The following NRG3 variants were observed in gnomAD, a reference collection of about 807,000 sequenced individuals.
The protein encoded by NRG3 is pro-neuregulin-3, membrane-bound isoform.
A neutral mutation model predicts 66.9 loss-of-function variants in NRG3; 31 were observed. The ratio of observed to expected loss-of-function variants is 0.46; its 90% confidence interval spans 0.35 to 0.63. NRG3 has a LOEUF of 0.63. Ranked by LOEUF, NRG3 falls within the 20% of genes least tolerant of loss-of-function variation. The pLI, the probability that NRG3 is intolerant of heterozygous loss-of-function variation, is 0.00. For missense variants in NRG3, 910 were observed against 878.9 expected (o/e 1.04, Z -0.45); for synonymous variants, 393 against 359.4 (o/e 1.09, Z -1.06).
intron 2 of NRG3, among the ~76,000 whole-genome samples, chr10:82,582,257 C>T (rs1273280312): frequency 2.0e-5 from 3 of 151,984 alleles, no homozygotes; most frequent in African/African-American, 7.2e-5. Flanking sequence ...ATTCAAATTC[C>T]ATATCATCAG....
chr10:82,274,483 AAATG>A (rs1426025228), intron 1 of NRG3, among the ~76,000 whole-genome samples: 2 of 152,074 alleles, frequency 1.3e-5, no homozygotes, highest in African/African-American at 2.4e-5. Context: ...TTCTGAATAA[AAATG>A]AATGAAAATT....
chr10:82,918,466 C>A (rs1846099992), intron 4 of NRG3, among the ~76,000 whole-genome samples: 1 of 152,182 alleles, frequency 6.6e-6, no homozygotes, highest in Non-Finnish European at 1.5e-5. Flanking sequence ...CCATTGATGA[C>A]AAGTACCTGA....
intron 1 of NRG3, among the ~76,000 whole-genome samples, chr10:82,340,352 AT>A (rs2082623353): frequency 6.6e-6 from 1 of 152,072 alleles, no homozygotes; most frequent in Non-Finnish European, 1.5e-5. Context: ...CTCCTAGAAT[AT>A]TTTTTCTACT....
chr10:81,985,997 G>T (rs557184869), intron 1 of NRG3, among the ~76,000 whole-genome samples: 1 of 152,270 alleles, frequency 6.6e-6, no homozygotes, highest in South Asian at 2.1e-4. Flanking sequence ...CACTGAAGAT[G>T]CCCACTGGGT....
At chr10:82,555,264 C>A (rs1419227273) in intron 2 of NRG3, among the ~76,000 whole-genome samples, 1 of 152,058 alleles carries the variant, frequency 6.6e-6, no homozygotes, top group East Asian at 1.9e-4. Context: ...TATTTTAGTT[C>A]CAGGGTGGCA....
chr10:82,365,345 T>A (rs1156966195), intron 2 of NRG3, among the ~76,000 whole-genome samples: 1 of 152,166 alleles, frequency 6.6e-6, no homozygotes, highest in Non-Finnish European at 1.5e-5. Flanking sequence ...GTGGTGTTAA[T>A]AACAAGGTGA....
intron 2 of NRG3, among the ~76,000 whole-genome samples, chr10:82,451,773 A>T (rs902868171): frequency 2.0e-5 from 3 of 152,138 alleles, no homozygotes; most frequent in Admixed American, 2.0e-4. Context: ...CTTCAGCAAT[A>T]TATGCATCAA....
chr10:82,173,701 A>G (rs2072813081), intron 1 of NRG3, among the ~76,000 whole-genome samples: 2 of 151,640 alleles, frequency 1.3e-5, no homozygotes, highest in African/African-American at 4.8e-5. Flanking sequence ...ACACACACAC[A>G]CACGCATGAA....
At chr10:82,015,799 G>A (rs1275977325) in intron 1 of NRG3, among the ~76,000 whole-genome samples, 1 of 151,472 alleles carries the variant, frequency 6.6e-6, no homozygotes, top group Non-Finnish European at 1.5e-5. Flanking sequence ...ATGACTGTAT[G>A]GCATAATTTA....
intron 1 of NRG3, among the ~76,000 whole-genome samples, chr10:81,927,530 A>G (rs1846923519): frequency 6.6e-6 from 1 of 152,230 alleles, no homozygotes; most frequent in Admixed American, 6.5e-5. Context: ...GTTCAAGAAC[A>G]TTAAAAATCT....
At chr10:82,754,184 T>C (rs908377237) in intron 3 of NRG3, among the ~76,000 whole-genome samples, 4 of 151,950 alleles carry the variant, frequency 2.6e-5, no homozygotes, top group Non-Finnish European at 5.9e-5. Flanking sequence ...TTCTTATAAA[T>C]GAATGAAAAG....
intron 1 of NRG3, among the ~76,000 whole-genome samples, chr10:81,907,580 A>T (rs1844717919): frequency 6.6e-6 from 1 of 152,196 alleles, no homozygotes; most frequent in Non-Finnish European, 1.5e-5. Context: ...GAGAAAAAAG[A>T]TCTCTACTGA....
chr10:82,175,086 C>G (rs1463111876), intron 1 of NRG3, among the ~76,000 whole-genome samples: 4 of 152,032 alleles, frequency 2.6e-5, no homozygotes, highest in Non-Finnish European at 5.9e-5. Context: ...TTGTTTCTTC[C>G]CCAACATTAG....
intron 2 of NRG3, among the ~76,000 whole-genome samples, chr10:82,502,978 A>G (rs992258583): frequency 6.6e-6 from 1 of 151,992 alleles, no homozygotes; most frequent in Non-Finnish European, 1.5e-5. Context: ...GATTTGTCTG[A>G]TATGTTGTGA....
intron 1 of NRG3, among the ~76,000 whole-genome samples, chr10:82,228,509 A>G (rs1230648359): frequency 2.0e-5 from 3 of 152,136 alleles, no homozygotes; most frequent in Non-Finnish European, 4.4e-5. Flanking sequence ...GATAAACAAC[A>G]TAACTTCCCA....
chr10:82,156,199 G>A (rs1433996351), intron 1 of NRG3, among the ~76,000 whole-genome samples: 1 of 150,312 alleles, frequency 6.7e-6, no homozygotes, highest in Admixed American at 6.6e-5. Context: ...AAGCAAAAGC[G>A]ATATCAAAAA....
chr10:82,259,708 G>A (rs918646900), intron 1 of NRG3, among the ~76,000 whole-genome samples: 1 of 152,104 alleles, frequency 6.6e-6, no homozygotes, highest in African/African-American at 2.4e-5. Context: ...TGGAAGGATT[G>A]CATCAGCCCC....
chr10:82,212,826 G>A (rs1209310681), intron 1 of NRG3, among the ~76,000 whole-genome samples: 1 of 152,158 alleles, frequency 6.6e-6, no homozygotes, highest in Non-Finnish European at 1.5e-5. Flanking sequence ...AACATCTGAT[G>A]TGCATTATGA....
At chr10:81,909,544 A>T (rs1418366284) in intron 1 of NRG3, among the ~76,000 whole-genome samples, 1 of 152,160 alleles carries the variant, frequency 6.6e-6, no homozygotes, top group African/African-American at 2.4e-5. Flanking sequence ...TAGCAAAAAT[A>T]CTTATTGTAC....
Sources: gnomAD v4.1 joint callset for allele counts (sites outside exome capture counted in the v4.1 genomes callset) on GRCh38, gnomAD v4.1.1 for gene constraint, MANE v1.5 for transcripts, NCBI Gene and HGNC (gene_info 2026-07-23, HGNC 2026-07-21) for gene names.